The following CFAP61 variants were observed in gnomAD, a reference collection of about 807,000 sequenced individuals.
The protein encoded by CFAP61 is cilia- and flagella-associated protein 61.
Under a neutral mutation model 135.6 loss-of-function variants are expected in CFAP61, and 107 were observed. The ratio of observed to expected loss-of-function variants is 0.79; its 90% confidence interval spans 0.67 to 0.93. CFAP61 has a LOEUF of 0.93. Among genes scored for constraint, CFAP61 ranks in the 40% least tolerant of loss-of-function variants. The probability of loss-of-function intolerance (pLI) is 0.00; values close to 1 mark genes in which losing one functional copy is unlikely to be tolerated. For missense variants in CFAP61, 1,507 were observed against 1,556.2 expected, an observed-to-expected ratio of 0.97 and a Z score of 0.53; for synonymous variants, 575 against 578.5, an observed-to-expected ratio of 0.99 and a Z score of 0.09.
At chr20:20,192,303 T>C (rs2055979136) in intron 15 of CFAP61, among the ~76,000 whole-genome samples, 1 of 151,962 alleles carries the variant, frequency 6.6e-6, no homozygotes, top group Non-Finnish European at 1.5e-5. Context: ...GCCATATGAG[T>C]TTTTGTTTGT....
In CFAP61 at chr20:20,227,303, G is replaced by T. The variant is rs73283169; in HGVS notation, c.1933-946G>T. ...TAATGCTGATGTAATTAACAGCATGGGATGAGGTGATAAGAATATCTTTCC... is the reference window on the plus strand; with the variant it reads ...TAATGCTGATGTAATTAACAGCATGTGATGAGGTGATAAGAATATCTTTCC... On this transcript the variant is annotated intron_variant, in intron 17 of 26. Coordinates refer to ENST00000245957, the MANE Select transcript of CFAP61 (RefSeq NM_015585.4). Among the ~76,000 whole-genome samples the T allele has an allele frequency of 6.3e-3, 953 of 152,344 alleles. 7 individuals carry two copies. The highest frequency in any genetic ancestry group is 0.022 in the African/African-American group (924 of 41,580).
At chr20:20,357,584 G>T (rs1181627771) in intron 26 of CFAP61, among the ~76,000 whole-genome samples, 1 of 15,460 alleles carries the variant, frequency 6.5e-5, no homozygotes, top group African/African-American at 3.5e-4. Context: ...GCGAGTGGAG[G>T]TAGTCACACT....
chr20:20,233,129 G>A (rs1050153367), intron 18 of CFAP61, among the ~76,000 whole-genome samples: 2 of 152,192 alleles, frequency 1.3e-5, no homozygotes, highest in Admixed American at 6.5e-5. Context: ...TTATCGGGCC[G>A]TGCAGTTCCG....
In CFAP61 at chr20:20,251,671, G is replaced by A. The variant is rs761630843; in HGVS notation, c.2236G>A (p.Gly746Ser). ...TAATGTCGTGGTGGGTAGAATGACC[G>A]GCATAGACCGAGCAGCCAAGCACGT... The part of the protein sequence containing the change: ...WVNVVVGRMT[G>S]IDRAAKHVVL... Residue 746 changes from glycine to serine, a missense_variant, in exon 20 of 27, where the codon GGC (glycine) becomes AGC (serine). Coordinates refer to ENST00000245957, the MANE Select transcript of CFAP61 (RefSeq NM_015585.4). 1.1e-5 allele frequency: 17 copies of A among 1,614,094 alleles called. No homozygotes were observed. The highest frequency in any genetic ancestry group is 4.4e-5 in the South Asian group (4 of 91,082).
chr20:20,134,474 C>T (rs1806340827), intron 8 of CFAP61, among the ~76,000 whole-genome samples: 1 of 152,138 alleles, frequency 6.6e-6, no homozygotes, highest in African/African-American at 2.4e-5. Flanking sequence ...TATTCTATTA[C>T]ATCGGTCATA....
chr20:20,081,331 T>C (rs773865110), intron 6 of CFAP61, among the ~76,000 whole-genome samples: 2 of 152,222 alleles, frequency 1.3e-5, no homozygotes, highest in Non-Finnish European at 2.9e-5. Context: ...TTGGGAATTA[T>C]CATTTTCTGG....
At chr20:20,248,116 G>T (rs1390621391) in intron 19 of CFAP61, among the ~76,000 whole-genome samples, 2 of 152,146 alleles carry the variant, frequency 1.3e-5, no homozygotes, top group Non-Finnish European at 2.9e-5. Context: ...CATAGCAGAT[G>T]CCCAGTAAAT....
intron 13 of CFAP61, 96 bp from the exon 14 acceptor site, chr20:20,187,834 T>A: frequency 1.1e-6 from 1 of 917,210 alleles, no homozygotes; most frequent in Non-Finnish European, 1.7e-6. Context: ...CTGGATATTA[T>A]TTTATATAAG....
intron 9 of CFAP61, among the ~76,000 whole-genome samples, chr20:20,151,304 T>A (rs189177124): frequency 1.3e-5 from 2 of 150,666 alleles, no homozygotes; most frequent in East Asian, 3.9e-4. Context: ...AGAAAGAACT[T>A]CAGAGCTTAA....
At chr20:20,273,982 T>C (rs936716295) in intron 21 of CFAP61, among the ~76,000 whole-genome samples, 3 of 152,266 alleles carry the variant, frequency 2.0e-5, no homozygotes, top group African/African-American at 7.2e-5. Flanking sequence ...TAAACCAGTT[T>C]GATTTGTCCC....
chr20:20,356,985 T>G (rs1372087794), intron 26 of CFAP61, among the ~76,000 whole-genome samples: 1 of 54,418 alleles, frequency 1.8e-5, no homozygotes, highest in Non-Finnish European at 3.5e-5. Context: ...ACTGGGGAGG[T>G]GGTCACACTG....
intron 8 of CFAP61, among the ~76,000 whole-genome samples, chr20:20,106,260 C>T (rs1030296249): frequency 9.2e-5 from 14 of 151,950 alleles, no homozygotes; most frequent in African/African-American, 3.4e-4. Context: ...TTGTCAGGGA[C>T]ATGACCCCAA....
intron 13 of CFAP61, among the ~76,000 whole-genome samples, chr20:20,170,461 C>T (rs1161189768): frequency 1.3e-5 from 2 of 152,156 alleles, no homozygotes; most frequent in African/African-American, 4.8e-5. Flanking sequence ...CATGACCAGA[C>T]TGTTTCTACA....
intron 6 of CFAP61, among the ~76,000 whole-genome samples, chr20:20,075,907 A>C (rs1378064326): frequency 2.0e-5 from 3 of 152,162 alleles, no homozygotes; most frequent in Non-Finnish European, 4.4e-5. Context: ...TAACTTTCAA[A>C]TAAAACAAGC....
At chr20:20,194,395 G>A (rs1343197426) in intron 15 of CFAP61, among the ~76,000 whole-genome samples, 3 of 151,852 alleles carry the variant, frequency 2.0e-5, no homozygotes, top group African/African-American at 7.3e-5. Context: ...TTCTCTTATT[G>A]TTCCTTTTTG....
intron 9 of CFAP61, among the ~76,000 whole-genome samples, chr20:20,147,261 C>A (rs1315613329): frequency 6.6e-6 from 1 of 152,184 alleles, no homozygotes; most frequent in Non-Finnish European, 1.5e-5. Flanking sequence ...GGGTAGACAC[C>A]TAGTAGTGGG....
chr20:20,330,888 C>G (rs1159446348), intron 25 of CFAP61, among the ~76,000 whole-genome samples: 3 of 152,184 alleles, frequency 2.0e-5, no homozygotes, highest in African/African-American at 7.2e-5. Context: ...AGCTGGATCC[C>G]AGCAGTTTTG....
chr20:20,286,249 A>C (rs978113166), intron 22 of CFAP61, among the ~76,000 whole-genome samples: 6 of 152,222 alleles, frequency 3.9e-5, no homozygotes, highest in Non-Finnish European at 8.8e-5. Context: ...AAGCCTCTCC[A>C]CATCCTGCCT....
intron 22 of CFAP61, among the ~76,000 whole-genome samples, chr20:20,288,147 G>A (rs1219122075): frequency 1.3e-5 from 2 of 152,142 alleles, no homozygotes; most frequent in East Asian, 3.8e-4. Flanking sequence ...AGTTTTAAAA[G>A]CTAGCAATGG....
Sources: gnomAD v4.1 joint callset for allele counts (sites outside exome capture counted in the v4.1 genomes callset) on GRCh38, gnomAD v4.1.1 for gene constraint, MANE v1.5 for transcripts, NCBI Gene and HGNC (gene_info 2026-07-23, HGNC 2026-07-21) for gene names.